Variants in FBRSL1 observed in about 807,000 individuals in gnomAD.
FBRSL1 encodes fibrosin-1-like protein.
A neutral mutation model predicts 89.6 loss-of-function variants in FBRSL1; 51 were observed. The observed-to-expected ratio is 0.57, with a 90% CI of 0.45 to 0.72. The LOEUF (loss-of-function observed/expected upper bound fraction) is 0.72. FBRSL1 is among the 30% of genes least tolerant of loss of function. The pLI, the probability that FBRSL1 is intolerant of heterozygous loss-of-function variation, is 0.00. For missense variants in FBRSL1, 1,618 were observed against 1,451.8 expected (o/e 1.11, Z -1.86); for synonymous variants, 779 against 681.1 (o/e 1.14, Z -2.24).
Position 132,508,101 on chromosome 12 carries a change from C to G in FBRSL1, c.292-52C>G, listed in dbSNP as rs537219003. ...TGCTCAGGTGGGTGCTGTCCTGGGC[C>G]CAAGGCCCTGGGGTCCCGCCAATTA... On this transcript the variant is annotated intron_variant, in intron 1 of 18. Transcript: ENST00000680143. 4 of 1,463,986 alleles carry G rather than the reference C, an allele frequency of 2.7e-6. No homozygotes were observed. In the South Asian group the frequency reaches 4.8e-5, roughly 18 times the overall value. 90.7% of individuals were successfully genotyped at this position (1,463,986 alleles called of 1,614,324 possible).
intron 5 of FBRSL1, among the ~76,000 whole-genome samples, chr12:132,558,724 C>G (rs1428423060): frequency 1.3e-5 from 2 of 152,244 alleles, no homozygotes; most frequent in African/African-American, 4.8e-5. Context: ...CGTGTGGGAG[C>G]TGCTCCCGCG....
intron 4 of FBRSL1, among the ~76,000 whole-genome samples, chr12:132,547,109 GCAGT>G (rs1566179192): frequency 6.6e-6 from 1 of 152,194 alleles, no homozygotes; most frequent in Non-Finnish European, 1.5e-5. Context: ...GGGGGACATT[GCAGT>G]CAGTGTGTTC....
intron 15 of FBRSL1, among the ~76,000 whole-genome samples, chr12:132,579,049 C>T (rs951720072): frequency 6.6e-6 from 1 of 152,206 alleles, no homozygotes; most frequent in Non-Finnish European, 1.5e-5. Context: ...GCTCCTCCCC[C>T]GCCTCCCCTT....
At chr12:132,510,411 G>A in intron 2 of FBRSL1, 1 of 1,232,010 alleles carries the variant, frequency 8.1e-7, no homozygotes, top group Non-Finnish European at 1.0e-6. Flanking sequence ...CCCCGGGATG[G>A]CCCGTCAGGC....
chr12:132,564,791 G>A lies in FBRSL1; in HGVS notation c.646-2690G>A, dbSNP rs1418165671. Among the ~76,000 whole-genome samples the A allele has an allele frequency of 1.1e-4, 15 of 138,832 alleles. 2 individuals carry two copies. The highest frequency in any genetic ancestry group is 2.9e-5 in the African/African-American group (1 of 34,632). 91.1% of individuals were successfully genotyped at this position (138,832 alleles called of 152,430 possible). A position where few individuals can be genotyped will look rare whatever the true frequency, so the allele number is the denominator to read the frequency against. ...ACTACAGGCGCCCGCCACCACGCCC[G>A]GCTAATTTTTTGTATTTTTAGTAGA... On this transcript the variant is annotated intron_variant, in intron 5 of 18. Coordinates refer to ENST00000680143, the MANE Select transcript of FBRSL1 (RefSeq NM_001367871.1).
intron 9 of FBRSL1, chr12:132,572,065 T>C: frequency 5.3e-6 from 3 of 563,304 alleles, no homozygotes; most frequent in South Asian, 4.4e-5. Context: ...TCCCACCCCA[T>C]GCAAGGGGAC....
At position 132,571,055 on chromosome 12, in the gene FBRSL1, CTCTT is replaced by C; in HGVS notation, c.1214-12_1214-9del. The C allele has an allele frequency of 7.5e-7, 1 of 1,335,948 alleles. No homozygotes were observed. 82.8% of individuals were successfully genotyped at this position (1,335,948 alleles called of 1,614,324 possible). A position where few individuals can be genotyped will look rare whatever the true frequency, so the allele number is the denominator to read the frequency against. ...CCCGGGGAGGGGCTCACCGTGTTCT[CTCTT>C]GCCTCTAGATGCCAGCCTGGCGGTC... On this transcript the variant is annotated splice_polypyrimidine_tract_variant and intron_variant, in intron 8 of 18. Coordinates refer to ENST00000680143, the MANE Select transcript of FBRSL1 (RefSeq NM_001367871.1).
At chr12:132,496,182 G>A (rs865871808) in intron 1 of FBRSL1, among the ~76,000 whole-genome samples, 5 of 152,206 alleles carry the variant, frequency 3.3e-5, no homozygotes, top group Non-Finnish European at 2.9e-5. Context: ...GTGAGTCACC[G>A]CACAGTCCTG....
At chr12:132,505,139 T>C (rs1320932016) in intron 1 of FBRSL1, among the ~76,000 whole-genome samples, 2 of 152,094 alleles carry the variant, frequency 1.3e-5, no homozygotes, top group Non-Finnish European at 2.9e-5. Flanking sequence ...AACAAAAAGA[T>C]AAGCGGGGCC....
rs140368393 is a variant in FBRSL1 at position 132,571,246 on chromosome 12, C to T, written c.1377+15C>T. On this transcript the variant is annotated intron_variant, in intron 9 of 18. Transcript: ENST00000680143. The stretch of plus-strand genomic sequence containing the variant: ...GGGAGTGCCAGGTGACTATCCGCCT[C>T]GCCCCGCCGGGAGCCCGCGGCCAAC... 18,125 of 1,474,048 alleles carry T rather than the reference C, an allele frequency of 0.012. 133 individuals are homozygous for T. The highest frequency in any genetic ancestry group is 0.014 in the Middle Eastern group (78 of 5,380). 91.3% of individuals were successfully genotyped at this position (1,474,048 alleles called of 1,614,324 possible). A position where few individuals can be genotyped will look rare whatever the true frequency, so the allele number is the denominator to read the frequency against.
intron 4 of FBRSL1, among the ~76,000 whole-genome samples, chr12:132,544,139 G>A (rs536411217): frequency 5.9e-5 from 9 of 152,190 alleles, no homozygotes; most frequent in African/African-American, 2.2e-4. Flanking sequence ...CCAGGCACCC[G>A]GGTTTAAGTG....
At chr12:132,515,832 G>A (rs367988650) in intron 2 of FBRSL1, among the ~76,000 whole-genome samples, 1 of 148,900 alleles carries the variant, frequency 6.7e-6, no homozygotes, top group East Asian at 2.0e-4. Context: ...CCCAGGAGGT[G>A]GAGGTTGCAG....
intron 4 of FBRSL1, among the ~76,000 whole-genome samples, chr12:132,541,318 G>C (rs761496753): frequency 6.6e-6 from 1 of 152,214 alleles, no homozygotes; most frequent in African/African-American, 2.4e-5. Flanking sequence ...TGCCAGTACC[G>C]TGGATGGCCA....
chr12:132,555,348 C>T (rs1456158139), intron 5 of FBRSL1, among the ~76,000 whole-genome samples: 1 of 147,816 alleles, frequency 6.8e-6, no homozygotes, highest in Non-Finnish European at 1.5e-5. Flanking sequence ...CGAGCGTGAG[C>T]GTGGCCTCCA....
chr12:132,559,288 C>T (rs1249926073), intron 5 of FBRSL1, among the ~76,000 whole-genome samples: 3 of 152,280 alleles, frequency 2.0e-5, no homozygotes, highest in African/African-American at 7.2e-5. Context: ...CCCCGTTTCA[C>T]AGAGGGAGAA....
In FBRSL1 at chr12:132,525,796, C is replaced by A; in HGVS notation, c.552C>A (p.Ala184=). The change falls in exon 3 of 19, where the codon GCC becomes GCA. Residue 184 remains alanine, a synonymous_variant. Transcript: ENST00000680143. ...RDSDDDSVLE[A]TSSRDPLSDS... Reference sequence around the variant, plus strand: ...GTGACGACGACAGCGTCCTCGAAGCCACCAGCTCCCGGGACCCGCTCAGCG... The same window carrying A: ...GTGACGACGACAGCGTCCTCGAAGCAACCAGCTCCCGGGACCCGCTCAGCG... 1 of 1,549,778 alleles carries A rather than the reference C, an allele frequency of 6.5e-7. No homozygotes were observed. Among genetic ancestry groups the A allele is most frequent in the East Asian group, 2.4e-5 (1 of 40,894 alleles).
chr12:132,571,499 C>G, intron 9 of FBRSL1: 1 of 1,524,520 alleles, frequency 6.6e-7, no homozygotes, highest in Non-Finnish European at 8.8e-7. Flanking sequence ...GGGCTGCCCC[C>G]GACGCCGCCC....
intron 1 of FBRSL1, among the ~76,000 whole-genome samples, chr12:132,498,149 A>G (rs4883574): frequency 0.89 from 135,368 of 151,850 alleles, 61,428 homozygotes; most frequent in Non-Finnish European, 0.99. Flanking sequence ...CTGGCAGGGA[A>G]AGCCGGCCGT....
intron 6 of FBRSL1, 51 bp downstream of exon 6, chr12:132,567,577 C>A: frequency 1.3e-6 from 2 of 1,517,240 alleles, no homozygotes; most frequent in Admixed American, 2.0e-5. Context: ...AGACACAATG[C>A]GCCCTGCGTC....
Sources: allele counts gnomAD v4.1 joint callset (sites outside exome capture counted in the v4.1 genomes callset), GRCh38; gene constraint gnomAD v4.1.1; transcripts MANE v1.5; gene names NCBI Gene and HGNC (gene_info 2026-07-23, HGNC 2026-07-21).